LSM6: variants seen among roughly 807,000 people sequenced by gnomAD.
LSM6 encodes the protein U6 snRNA-associated Sm-like protein LSm6.
A neutral mutation model predicts 13.5 loss-of-function variants in LSM6; 2 were observed. The observed-to-expected ratio is 0.15, with a 90% confidence interval of 0.06 to 0.47. LSM6 has a LOEUF of 0.47. Ranked by LOEUF, LSM6 falls within the 20% of genes least tolerant of loss-of-function variation. The pLI is 0.97. For synonymous variants in LSM6, 43 were observed against 34.9 expected (o/e 1.23, Z -0.82); for missense variants, 58 against 96.4 (o/e 0.60, Z 1.67).
At position 146,182,898 on chromosome 4, in the gene LSM6, A is replaced by G; in HGVS notation, c.-10-14A>G. 3 of 1,475,276 alleles carry G rather than the reference A, an allele frequency of 2.0e-6. No homozygotes were observed. The highest frequency in any genetic ancestry group is 2.8e-6 in the Non-Finnish European group (3 of 1,053,592). The allele number at this position is 1,475,276 out of a possible 1,614,324, so 91.4% of individuals were successfully genotyped here. ...TCTTTACCTTTTATTGTTCCTTTTC[A>G]TATTTTGATTTAGGATTGTTAAAAT... On this transcript the variant is annotated splice_polypyrimidine_tract_variant and intron_variant, in intron 1 of 3. Transcript: ENST00000296581.
Position 146,189,670 on chromosome 4 carries a change from G to A in LSM6, c.*14G>A, listed in dbSNP as rs1403091673. ...AGACGGATGTGAAGACACCAAGAGA[G>A]CAACGCTTTTCATAGTTGGATATAT... On this transcript the variant is annotated 3_prime_UTR_variant, in exon 4 of 4. Coordinates refer to ENST00000296581, the MANE Select transcript of LSM6 (RefSeq NM_007080.3). The A allele has an allele frequency of 6.3e-7, 1 of 1,589,436 alleles. No individual in the cohort carries two copies. The highest frequency in any genetic ancestry group is 2.2e-5 in the East Asian group (1 of 44,458).
At chr4:146,184,937 A>T (rs76355739) in intron 2 of LSM6, among the ~76,000 whole-genome samples, 2 of 150,648 alleles carry the variant, frequency 1.3e-5, no homozygotes, top group East Asian at 3.9e-4. Flanking sequence ...ATGCAACCTG[A>T]TTTTTTTTTT....
At chr4:146,188,658 A>G (rs1010809424) in intron 3 of LSM6, among the ~76,000 whole-genome samples, 1 of 152,158 alleles carries the variant, frequency 6.6e-6, no homozygotes, top group East Asian at 1.9e-4. Context: ...AGTTTGGCCA[A>G]AGTGACCCAA....
At chr4:146,186,352 A>G (rs1035820646) in intron 2 of LSM6, among the ~76,000 whole-genome samples, 3 of 152,198 alleles carry the variant, frequency 2.0e-5, no homozygotes, top group Non-Finnish European at 2.9e-5. Flanking sequence ...TGAGGAGCAT[A>G]TTAATGAAGT....
At chr4:146,181,285 T>C (rs1730225073) in intron 1 of LSM6, 1 of 152,248 alleles carries the variant, frequency 6.6e-6, no homozygotes, top group Non-Finnish European at 1.5e-5. Context: ...GATGTTGACT[T>C]TTCTTGGCTA....
intron 3 of LSM6, 30 bp downstream of exon 3, chr4:146,187,417 T>C (rs1431918339): frequency 7.4e-7 from 1 of 1,346,152 alleles, no homozygotes; most frequent in Non-Finnish European, 1.1e-6. Context: ...CAGTACAGCA[T>C]TCAAAATAAG....
At chr4:146,176,279 T>A (rs992136257) in intron 1 of LSM6, 4 of 152,278 alleles carry the variant, frequency 2.6e-5, no homozygotes, top group African/African-American at 9.6e-5. Flanking sequence ...CTCTCCTACA[T>A]CGGGGTGGCT....
chr4:146,177,883 CT>C (rs1222474736), intron 1 of LSM6, among the ~76,000 whole-genome samples: 1 of 152,110 alleles, frequency 6.6e-6, no homozygotes, highest in Non-Finnish European at 1.5e-5. Context: ...GGTACTGCCC[CT>C]AGATGAGAAC....
At chr4:146,181,608 T>G (rs1190082409) in intron 1 of LSM6, among the ~76,000 whole-genome samples, 2 of 152,110 alleles carry the variant, frequency 1.3e-5, no homozygotes, top group Non-Finnish European at 2.9e-5. Context: ...GAATGTTTAA[T>G]GAAAAAATAA....
intron 2 of LSM6, among the ~76,000 whole-genome samples, 157 bp from the exon 3 acceptor site, chr4:146,187,117 T>C (rs922084371): frequency 5.9e-5 from 9 of 152,238 alleles, no homozygotes; most frequent in African/African-American, 2.2e-4. Context: ...TAGAGTTGTT[T>C]TGTGCTTAAG....
chr4:146,176,615 C>T (rs1044354930), intron 1 of LSM6: 1 of 152,122 alleles, frequency 6.6e-6, no homozygotes, highest in South Asian at 2.1e-4. Flanking sequence ...TAAGAGTGTA[C>T]ATGTTTAATC....
At chr4:146,178,799 A>G (rs543505142) in intron 1 of LSM6, among the ~76,000 whole-genome samples, 10 of 152,260 alleles carry the variant, frequency 6.6e-5, no homozygotes, top group African/African-American at 1.7e-4. Flanking sequence ...CTACTCTCCA[A>G]CTGGATTTCT....
At position 146,180,423 on chromosome 4, in the gene LSM6, G is replaced by A. The variant is rs927396845; in HGVS notation, c.-10-2489G>A. On this transcript the variant is annotated intron_variant, in intron 1 of 3. Coordinates refer to ENST00000296581, the MANE Select transcript of LSM6 (RefSeq NM_007080.3). ...ATACAGATAAAGCATAATGGACAAG[G>A]CGTTATCTTTGGTGAGCTTAGAAGA... is the stretch of plus-strand genomic sequence containing the variant. 1.2e-4 allele frequency among the ~76,000 whole-genome samples: 18 copies of A among 152,200 alleles called. 1 individual carries two copies. Among genetic ancestry groups the A allele is most frequent in the Admixed American group, 1.1e-3 (17 of 15,282 alleles).
rs1730438288 is a variant in LSM6, at chr4:146,190,117, T to A, written c.*461T>A. 1 of 153,100 alleles carries A rather than the reference T, an allele frequency of 6.5e-6. No homozygotes were observed. The highest frequency in any genetic ancestry group is 2.4e-5 in the African/African-American group (1 of 41,474). 9.5% of individuals were successfully genotyped at this position (153,100 alleles called of 1,614,324 possible). ...GAATATGTTCTACAAAGGCATCCAG[T>A]TTCAGTCTGAAGCTACAAAAAGGGG... On this transcript the variant is annotated 3_prime_UTR_variant, in exon 4 of 4. Coordinates refer to ENST00000296581, the MANE Select transcript of LSM6 (RefSeq NM_007080.3).
intron 2 of LSM6, among the ~76,000 whole-genome samples, chr4:146,183,870 CTTTTTTTTT>C (rs1206702736): frequency 8.5e-6 from 1 of 117,494 alleles, no homozygotes; most frequent in East Asian, 2.4e-4. Context: ...GGGTAATTTT[CTTTTTTTTT>C]TTTTTTTTTT....
At chr4:146,179,602 C>A (rs1358223276) in intron 1 of LSM6, among the ~76,000 whole-genome samples, 1 of 152,128 alleles carries the variant, frequency 6.6e-6, no homozygotes, top group African/African-American at 2.4e-5. Flanking sequence ...TTCTAGAGAA[C>A]AGATGAGAAG....
At chr4:146,188,159 T>C (rs1730388906) in intron 3 of LSM6, among the ~76,000 whole-genome samples, 3 of 152,226 alleles carry the variant, frequency 2.0e-5, no homozygotes, top group Non-Finnish European at 4.4e-5. Context: ...TCCCCTATGC[T>C]TACAGGACCT....
intron 1 of LSM6, chr4:146,181,390 G>T (rs1730227284): frequency 6.6e-6 from 1 of 152,192 alleles, no homozygotes; most frequent in African/African-American, 2.4e-5. Flanking sequence ...CTTTAAGGCA[G>T]AGCCTTTGTG....
At chr4:146,183,870 CTTTT>C (rs1206702736) in intron 2 of LSM6, among the ~76,000 whole-genome samples, 4 of 117,492 alleles carry the variant, frequency 3.4e-5, no homozygotes, top group Non-Finnish European at 5.3e-5. Flanking sequence ...GGGTAATTTT[CTTTT>C]TTTTTTTTTT....
Sources: allele counts gnomAD v4.1 joint callset (sites outside exome capture counted in the v4.1 genomes callset), GRCh38; gene constraint gnomAD v4.1.1; transcripts MANE v1.5; gene names NCBI Gene and HGNC (gene_info 2026-07-23, HGNC 2026-07-21).